PTPRS: variants seen among roughly 807,000 people sequenced by gnomAD.
The protein encoded by PTPRS is protein tyrosine phosphatase receptor type S, also known as receptor-type tyrosine-protein phosphatase S.
A neutral mutation model predicts 215.3 loss-of-function variants in PTPRS; 63 were observed. That is an observed-to-expected ratio of 0.29 (90% CI 0.24 to 0.36). PTPRS has a LOEUF of 0.36. PTPRS is among the 10% of genes least tolerant of loss of function. The pLI, the probability that PTPRS is intolerant of heterozygous loss-of-function variation, is 1.00. For synonymous variants in PTPRS, 1,404 were observed against 1,191.4 expected (o/e 1.18, Z -3.68); for missense variants, 2,258 against 2,825.8 (o/e 0.80, Z 4.56).
intron 20 of PTPRS, among the ~76,000 whole-genome samples, chr19:5,220,669 A>G (rs2041902000): frequency 6.6e-6 from 1 of 152,236 alleles, no homozygotes; most frequent in Non-Finnish European, 1.5e-5. Context: ...TCTGAGGCAG[A>G]GTGCTCCTCT....
chr19:5,285,759 T>C (rs2048297189), intron 2 of PTPRS, among the ~76,000 whole-genome samples: 1 of 152,188 alleles, frequency 6.6e-6, no homozygotes, highest in South Asian at 2.1e-4. Flanking sequence ...CAGGTAAAAT[T>C]AGTGCTTAGC....
At chr19:5,217,284 C>T (rs977999560) in intron 25 of PTPRS, among the ~76,000 whole-genome samples, 5 of 152,208 alleles carry the variant, frequency 3.3e-5, no homozygotes, top group Non-Finnish European at 5.9e-5. Flanking sequence ...AGCACATTAG[C>T]GGTGAATTGT....
intron 2 of PTPRS, 128 bp downstream of exon 2, chr19:5,285,922 A>C: frequency 1.3e-6 from 1 of 744,194 alleles, no homozygotes; most frequent in East Asian, 2.7e-5. Flanking sequence ...GTGGAGCATA[A>C]AAGTTCCATT....
Position 5,216,748 on chromosome 19 carries a change from G to A in PTPRS, c.4068C>T (p.Pro1356=), listed in dbSNP as rs2041501726. The change falls in exon 26 of 38, where the codon CCC becomes CCT. Residue 1356 remains proline (P), a synonymous_variant. Coordinates refer to ENST00000262963, the MANE Select transcript of PTPRS (RefSeq NM_002850.4). The part of the protein sequence containing the change: ...FQTPDSGLRS[P]LREPGFHFES... ...CAAAGTGAAACCCCGGCTCCCTGAG[G>A]GGGCTCCTGAGGCCTGAATCTGCAA... 4 of 1,578,112 alleles carry A rather than the reference G, an allele frequency of 2.5e-6. No individual in the cohort carries two copies. Among genetic ancestry groups the A allele is most frequent in the Non-Finnish European group, 3.4e-6 (4 of 1,161,328 alleles).
rs142676201 is a variant in PTPRS, at chr19:5,266,779, T to C, written c.380-1583A>G. Reference sequence around the variant, plus strand: ...TGCTGGCCCCTGCCACCTTCCCTCCTCTTTTTCTCTCTGGCCCAGTCACCC... The same window carrying C: ...TGCTGGCCCCTGCCACCTTCCCTCCCCTTTTTCTCTCTGGCCCAGTCACCC... On this transcript the variant is annotated intron_variant, in intron 4 of 37. Coordinates refer to ENST00000262963, the MANE Select transcript of PTPRS (RefSeq NM_002850.4). Among the ~76,000 whole-genome samples the C allele has an allele frequency of 3.5e-3, 537 of 151,960 alleles. 1 individual carries two copies. The highest frequency in any genetic ancestry group is 6.4e-3 in the Non-Finnish European group (432 of 68,002).
At chr19:5,329,720 A>C (rs991001717) in intron 1 of PTPRS, among the ~76,000 whole-genome samples, 2 of 151,496 alleles carry the variant, frequency 1.3e-5, no homozygotes, top group African/African-American at 2.4e-5. Flanking sequence ...AGCTGAGATC[A>C]TGCCACTGCA....
rs2043627002 is a variant in PTPRS, at chr19:5,237,984, T to C, written c.1849+935A>G. Among the ~76,000 whole-genome samples, 1 of 151,858 alleles carries C rather than the reference T, an allele frequency of 6.6e-6. No homozygotes were observed. The highest frequency in any genetic ancestry group is 1.5e-5 in the Non-Finnish European group (1 of 67,946). ...TGTGTACACACACCCAGGGCGGGCC[T>C]TGAAGGTTTGACCATCATGACTGAT... On this transcript the variant is annotated intron_variant, in intron 13 of 37. Coordinates refer to ENST00000262963, the MANE Select transcript of PTPRS (RefSeq NM_002850.4). This position sits in a 1 kb window ranked among gnomAD's most constrained non-coding sequence, Gnocchi z 4.2.
intron 1 of PTPRS, among the ~76,000 whole-genome samples, chr19:5,317,723 G>A (rs2049915630): frequency 6.6e-6 from 1 of 152,144 alleles, no homozygotes; most frequent in African/African-American, 2.4e-5. Context: ...AAAGTAAGAG[G>A]GTGGGGTGTG....
At chr19:5,331,292 G>A (rs2050318128) in intron 1 of PTPRS, among the ~76,000 whole-genome samples, 1 of 147,286 alleles carries the variant, frequency 6.8e-6, no homozygotes. Context: ...CCCAACCCTC[G>A]GCTGATTTTT....
intron 2 of PTPRS, among the ~76,000 whole-genome samples, chr19:5,284,878 G>C (rs901330829): frequency 4.6e-5 from 7 of 151,990 alleles, no homozygotes; most frequent in African/African-American, 1.7e-4. Flanking sequence ...AGCCTGAGAA[G>C]TAGAGGTTGC....
At chr19:5,232,777 T>TGGTAAGGCATTGA (rs1448468448) in intron 13 of PTPRS, among the ~76,000 whole-genome samples, 2 of 150,990 alleles carry the variant, frequency 1.3e-5, no homozygotes, top group African/African-American at 2.4e-5. Context: ...TAAGGCATTG[T>TGGTAAGGCATTGA]GCTGAGGACT....
intron 1 of PTPRS, among the ~76,000 whole-genome samples, chr19:5,321,151 T>C (rs1302724374): frequency 6.6e-6 from 1 of 152,124 alleles, no homozygotes; most frequent in Non-Finnish European, 1.5e-5. Flanking sequence ...TGTGCACCTA[T>C]AGTCCCAGCT....
In PTPRS at chr19:5,273,681, C is replaced by A. The variant is rs935877237; in HGVS notation, c.238-98G>T. The A allele has an allele frequency of 6.3e-6, 9 of 1,428,290 alleles. No individual in the cohort carries two copies. The Admixed American group carries it at 1.6e-4, about 25-fold the overall frequency. 88.5% of individuals were successfully genotyped at this position (1,428,290 alleles called of 1,614,324 possible). ...GGCTGGGCTGTAGGGGAATGGCAGT[C>A]AGCCCCATGATCCTGGGGGTGACTG... On this transcript the variant is annotated intron_variant, in intron 3 of 37. Coordinates refer to ENST00000262963, the MANE Select transcript of PTPRS (RefSeq NM_002850.4).
intron 1 of PTPRS, among the ~76,000 whole-genome samples, chr19:5,309,430 C>T (rs1243736541): frequency 5.3e-5 from 8 of 152,182 alleles, no homozygotes; most frequent in African/African-American, 1.9e-4. Flanking sequence ...AGTTATTTAT[C>T]TCAGATGGGG....
intron 17 of PTPRS, among the ~76,000 whole-genome samples, chr19:5,224,604 T>C (rs1196372821): frequency 2.6e-5 from 4 of 152,202 alleles, no homozygotes; most frequent in African/African-American, 7.2e-5. Context: ...GCAGGACTTA[T>C]CAGGGCCTTG....
At position 5,242,626 on chromosome 19, in the gene PTPRS, G is replaced by A. The variant is rs147794847; in HGVS notation, c.1570+1275C>T. 4.2e-3 allele frequency among the ~76,000 whole-genome samples: 639 copies of A among 151,268 alleles called. 13 individuals carry two copies. Among genetic ancestry groups the A allele is most frequent in the Admixed American group, 0.035 (524 of 15,134 alleles). ...ACTCCTGACCTCAGGTGATCCACCC[G>A]CCTCAGCCTCCTGAAGTGCTGGGAT... On this transcript the variant is annotated intron_variant, in intron 11 of 37. Coordinates refer to ENST00000262963, the MANE Select transcript of PTPRS (RefSeq NM_002850.4).
chr19:5,301,111 C>A (rs1245390034), intron 1 of PTPRS, among the ~76,000 whole-genome samples: 1 of 152,222 alleles, frequency 6.6e-6, no homozygotes, highest in Non-Finnish European at 1.5e-5. Flanking sequence ...AGCTCTTGCT[C>A]CAGCCCCAAG....
intron 33 of PTPRS, 45 bp downstream of exon 33, chr19:5,211,545 T>C: frequency 2.5e-6 from 4 of 1,572,808 alleles, no homozygotes; most frequent in Non-Finnish European, 3.5e-6. Context: ...AGAGTAGAGA[T>C]GGGCTCCTTC....
intron 5 of PTPRS, among the ~76,000 whole-genome samples, chr19:5,264,518 C>T (rs1429572086): frequency 1.3e-5 from 2 of 152,176 alleles, no homozygotes; most frequent in African/African-American, 4.8e-5. Flanking sequence ...GCTACATTGC[C>T]CATGCTGGTC....
Sources: gnomAD v4.1 joint callset for allele counts (sites outside exome capture counted in the v4.1 genomes callset) on GRCh38, gnomAD v4.1.1 for gene constraint, Gnocchi (gnomAD v3.1) non-coding constraint, MANE v1.5 for transcripts, NCBI Gene and HGNC (gene_info 2026-07-23, HGNC 2026-07-21) for gene names.